Variants in INSYN2B observed in about 807,000 individuals in gnomAD.
The protein encoded by INSYN2B is inhibitory synaptic factor family member 2B.
Under a neutral mutation model 41.2 loss-of-function variants are expected in INSYN2B, and 16 were observed. The observed-to-expected ratio is 0.39, with a 90% CI of 0.26 to 0.59. INSYN2B has a LOEUF of 0.59. Ranked by LOEUF, INSYN2B falls within the 20% of genes least tolerant of loss-of-function variation. INSYN2B has a pLI of 0.57. For synonymous variants in INSYN2B, 245 were observed against 244.4 expected (o/e 1.00, Z -0.02); for missense variants, 608 against 646.4 (o/e 0.94, Z 0.64).
chr5:169,895,759 G>A (rs930870472), intron 1 of INSYN2B, among the ~76,000 whole-genome samples: 1 of 152,126 alleles, frequency 6.6e-6, no homozygotes, highest in African/African-American at 2.4e-5. Flanking sequence ...TAAACTTGCT[G>A]AATGACCTAG....
chr5:169,886,480 A>G (rs941323339), intron 1 of INSYN2B, among the ~76,000 whole-genome samples: 7 of 152,332 alleles, frequency 4.6e-5, no homozygotes, highest in South Asian at 2.1e-4. Context: ...CTCCTCAGAT[A>G]ATAATTAAGC....
intron 1 of INSYN2B, among the ~76,000 whole-genome samples, chr5:169,964,511 C>T (rs986296239): frequency 1.8e-4 from 28 of 152,206 alleles, no homozygotes; most frequent in African/African-American, 6.8e-4. Flanking sequence ...GGCCCTGTGG[C>T]CAGCTCTTCT....
intron 3 of INSYN2B, among the ~76,000 whole-genome samples, chr5:169,871,602 C>G (rs1218269724): frequency 6.6e-6 from 1 of 152,198 alleles, no homozygotes; most frequent in East Asian, 1.9e-4. Flanking sequence ...AATCCGAACC[C>G]TGACAGTCTA....
chr5:169,930,633 G>A (rs907345479), intron 1 of INSYN2B, among the ~76,000 whole-genome samples: 33 of 152,218 alleles, frequency 2.2e-4, no homozygotes, highest in African/African-American at 7.7e-4. Context: ...CGGTAGACAA[G>A]GATGAGCTGC....
chr5:169,861,727 C>T lies in INSYN2B; in HGVS notation c.*2546G>A, dbSNP rs1771210424. Among the ~76,000 whole-genome samples, 1 of 152,044 alleles carries T rather than the reference C, an allele frequency of 6.6e-6. No individual in the cohort carries two copies. The highest frequency in any genetic ancestry group is 1.5e-5 in the Non-Finnish European group (1 of 68,014). ...GTGGTGTTTTAAACATAGAGACGAC[C>T]ATTTTTGTTCATCAGGAAAATGTTT... is the stretch of plus-strand genomic sequence containing the variant. On this transcript the variant is annotated 3_prime_UTR_variant, in exon 4 of 4. Coordinates refer to ENST00000377365, the MANE Select transcript of INSYN2B (RefSeq NM_001129891.3).
chr5:169,862,827 A>G lies in INSYN2B; in HGVS notation c.*1446T>C, dbSNP rs574654933. Among the ~76,000 whole-genome samples the G allele has an allele frequency of 1.9e-4, 29 of 152,350 alleles. No individual in the cohort carries two copies. The South Asian group carries it at 5.8e-3, about 30-fold the overall frequency. On this transcript the variant is annotated 3_prime_UTR_variant, in exon 4 of 4. Coordinates refer to ENST00000377365, the MANE Select transcript of INSYN2B (RefSeq NM_001129891.3). The stretch of plus-strand genomic sequence containing the variant: ...AATTAGGCTCAATTTGCAGTGGGGT[A>G]GGTACATCCCACGAACACACAGGAT...
At position 169,883,943 on chromosome 5, in the gene INSYN2B, A is replaced by G. The variant is rs112645446; in HGVS notation, c.-45T>C. 1.0e-2 allele frequency: 14,379 copies of G among 1,440,322 alleles called. 122 individuals are homozygous for G. The highest frequency in any genetic ancestry group is 0.01 in the Non-Finnish European group (11,274 of 1,091,300). 89.2% of individuals were successfully genotyped at this position (1,440,322 alleles called of 1,614,324 possible). A position where few individuals can be genotyped will look rare whatever the true frequency, so the allele number is the denominator to read the frequency against. On this transcript the variant is annotated 5_prime_UTR_variant, in exon 2 of 4. Transcript: ENST00000377365. ...TCAGGACCATACACTTCTCCTAGGC[A>G]CATCTCCCCTTAGGTCTTTGGAGCA... is the stretch of plus-strand genomic sequence containing the variant.
intron 3 of INSYN2B, chr5:169,875,391 T>A (rs903743892): frequency 4.6e-6 from 2 of 439,416 alleles, no homozygotes; most frequent in Non-Finnish European, 9.2e-6. Context: ...ACATCTTCAA[T>A]GTAAACCCTC....
chr5:169,919,481 A>C lies in INSYN2B; in HGVS notation c.-918-34665T>G, dbSNP rs187472414. Among the ~76,000 whole-genome samples the C allele has an allele frequency of 2.4e-3, 365 of 152,378 alleles. 3 individuals carry two copies. Among genetic ancestry groups the C allele is most frequent in the African/African-American group, 8.6e-3 (359 of 41,588 alleles). On this transcript the variant is annotated intron_variant, in intron 1 of 3. Coordinates refer to ENST00000377365, the MANE Select transcript of INSYN2B (RefSeq NM_001129891.3). ...TATCATTAATTGACCCCAGGCTGGC[A>C]GCCACCTGATTTATTCTCTGAAGTC...
intron 1 of INSYN2B, among the ~76,000 whole-genome samples, chr5:169,930,880 G>A (rs1775719206): frequency 6.6e-6 from 1 of 152,060 alleles, no homozygotes; most frequent in African/African-American, 2.4e-5. Flanking sequence ...CAACAAATTA[G>A]CCATACACAT....
At chr5:169,917,707 C>G (rs559106872) in intron 1 of INSYN2B, among the ~76,000 whole-genome samples, 8 of 152,186 alleles carry the variant, frequency 5.3e-5, no homozygotes, top group African/African-American at 1.9e-4. Context: ...AGGGTAGGTC[C>G]ACAGGGAAGA....
intron 1 of INSYN2B, among the ~76,000 whole-genome samples, chr5:169,893,479 C>T (rs1408274109): frequency 4.2e-5 from 6 of 143,038 alleles, no homozygotes; most frequent in African/African-American, 1.0e-4. Flanking sequence ...TTTTCTTACC[C>T]TTTTTTTTTT....
intron 1 of INSYN2B, among the ~76,000 whole-genome samples, chr5:169,916,791 T>A (rs1189189336): frequency 4.6e-5 from 7 of 152,190 alleles, no homozygotes; most frequent in African/African-American, 7.2e-5. Flanking sequence ...ATATACAAGG[T>A]AATATTATTA....
At chr5:169,923,958 T>A (rs967052788) in intron 1 of INSYN2B, among the ~76,000 whole-genome samples, 2 of 152,202 alleles carry the variant, frequency 1.3e-5, no homozygotes, top group African/African-American at 4.8e-5. Context: ...GTAGAAACAT[T>A]GCGGTTGGCA....
chr5:169,874,410 C>CAAAAAAAAA (rs34525811), intron 3 of INSYN2B, among the ~76,000 whole-genome samples: 1 of 72,032 alleles, frequency 1.4e-5, no homozygotes, highest in Non-Finnish European at 2.5e-5. Flanking sequence ...GACTCTGTCT[C>CAAAAAAAAA]AAAAAAAAAA....
intron 1 of INSYN2B, among the ~76,000 whole-genome samples, chr5:169,960,634 C>G (rs534604172): frequency 6.6e-6 from 1 of 152,204 alleles, no homozygotes; most frequent in South Asian, 2.1e-4. Flanking sequence ...TCTTGGCCAT[C>G]ATTAGTCACC....
rs79605350 is a variant in INSYN2B, at chr5:169,882,986, A to G, written c.913T>C (p.Ser305Pro). Residue 305 changes from serine (S) to proline (P), a missense_variant, in exon 2 of 4, where the codon TCT becomes CCT. By Grantham distance (74) the Ser-to-Pro change is moderately conservative (BLOSUM62 -1). Transcript: ENST00000377365. ...GAGGGGGAACTGTGAGTCCGTGGAG[A>G]TGAAGGAACACACGTTTCCTTTGAC... Reference protein sequence around the residue: ...SQSKETCVPSSPRTHSSPSQG... With the variant: ...SQSKETCVPSPPRTHSSPSQG... The G allele has an allele frequency of 6.4e-7, 1 of 1,551,602 alleles. No homozygotes were observed. The highest frequency in any genetic ancestry group is 1.2e-5 in the South Asian group (1 of 84,032).
intron 1 of INSYN2B, among the ~76,000 whole-genome samples, chr5:169,945,016 T>C (rs1481695103): frequency 1.3e-5 from 2 of 152,246 alleles, no homozygotes; most frequent in African/African-American, 4.8e-5. Flanking sequence ...ATTTAAATCC[T>C]GACTACAACT....
intron 1 of INSYN2B, among the ~76,000 whole-genome samples, chr5:169,920,544 C>T (rs1323123925): frequency 6.6e-6 from 1 of 152,144 alleles, no homozygotes; most frequent in Admixed American, 6.5e-5. Context: ...ATTCACACCA[C>T]TCCCAGAGGT....
Sources: allele counts gnomAD v4.1 joint callset (sites outside exome capture counted in the v4.1 genomes callset), GRCh38; gene constraint gnomAD v4.1.1; transcripts MANE v1.5; gene names NCBI Gene and HGNC (gene_info 2026-07-23, HGNC 2026-07-21).